PTH2R: variants seen among roughly 807,000 people sequenced by gnomAD.
PTH2R encodes the protein parathyroid hormone 2 receptor.
A neutral mutation model predicts 60.3 loss-of-function variants in PTH2R; 59 were observed. That is an observed-to-expected ratio of 0.98 (90% confidence interval 0.79 to 1.22). PTH2R has a LOEUF of 1.22. PTH2R is among the 50% of genes most tolerant of loss of function. The pLI, the probability that PTH2R is intolerant of heterozygous loss-of-function variation, is 0.00. For missense variants in PTH2R, 749 were observed against 682.6 expected, an observed-to-expected ratio of 1.10 and a Z score of -1.08; for synonymous variants, 256 against 243.8, an observed-to-expected ratio of 1.05 and a Z score of -0.47.
intron 1 of PTH2R, among the ~76,000 whole-genome samples, chr2:208,413,170 CAG>C (rs1553543205): frequency 1.7e-4 from 24 of 144,212 alleles, no homozygotes; most frequent in African/African-American, 5.7e-4. Context: ...CACACACACA[CAG>C]AATGTTTATA....
At position 208,388,144 on chromosome 2, in the gene PTH2R, G is replaced by T. The variant is rs1292173040; in HGVS notation, c.-259+27907G>T. Among the ~76,000 whole-genome samples the T allele has an allele frequency of 1.3e-4, 6 of 45,450 alleles. 1 individual carries two copies. The highest frequency in any genetic ancestry group is 2.3e-3 in the South Asian group (2 of 884). 29.8% of individuals were successfully genotyped at this position (45,450 alleles called of 152,430 possible). On this transcript the variant is annotated intron_variant, in intron 1 of 12. Coordinates refer to the PTH2R transcript ENST00000617735. The stretch of plus-strand genomic sequence containing the variant: ...CTAACATGGTGAAACCCCCCCCCCC[G>T]TCTCTACTAAAAATACAAAAAATTA...
At chr2:208,451,182 C>T (rs565663376) in intron 8 of PTH2R, among the ~76,000 whole-genome samples, 1 of 152,286 alleles carries the variant, frequency 6.6e-6, no homozygotes, top group African/African-American at 2.4e-5. Context: ...TACTCTCTCT[C>T]TCTCTCTCTG....
intron 1 of PTH2R, among the ~76,000 whole-genome samples, chr2:208,381,570 G>A (rs1021883461): frequency 6.6e-6 from 1 of 152,078 alleles, no homozygotes; most frequent in African/African-American, 2.4e-5. Context: ...TTATAGACCT[G>A]AGCCATGGTG....
At chr2:208,427,886 A>G (rs1419034524) in intron 1 of PTH2R, among the ~76,000 whole-genome samples, 1 of 150,820 alleles carries the variant, frequency 6.6e-6, no homozygotes, top group Non-Finnish European at 1.5e-5. Flanking sequence ...TAATTATTTT[A>G]TTTTAAATAT....
intron 9 of PTH2R, among the ~76,000 whole-genome samples, chr2:208,461,243 T>C (rs953260277): frequency 6.6e-6 from 1 of 152,120 alleles, no homozygotes; most frequent in Non-Finnish European, 1.5e-5. Flanking sequence ...TAAACACCTG[T>C]AATTTTAATT....
intron 2 of PTH2R, among the ~76,000 whole-genome samples, chr2:208,435,167 G>C (rs1432931475): frequency 6.6e-6 from 1 of 152,206 alleles, no homozygotes; most frequent in East Asian, 1.9e-4. Flanking sequence ...TATGCTGACT[G>C]TTCAAAACTA....
intron 1 of PTH2R, among the ~76,000 whole-genome samples, chr2:208,417,330 AAG>A (rs1367197894): frequency 6.6e-6 from 1 of 152,132 alleles, no homozygotes; most frequent in Non-Finnish European, 1.5e-5. Flanking sequence ...ATAAAGAAAG[AAG>A]AGAGAGAAAA....
chr2:208,398,317 T>A lies in PTH2R; in HGVS notation c.-258-29884T>A, dbSNP rs530837724. On this transcript the variant is annotated intron_variant, in intron 1 of 12. Coordinates refer to the PTH2R transcript ENST00000617735. ...ATTTATCACTCCTTGGCATTTTCTT[T>A]AAGGATCTGATGCCAGAATGGCCGT... 8.7e-4 allele frequency among the ~76,000 whole-genome samples: 132 copies of A among 152,354 alleles called. 2 individuals carry two copies. Among genetic ancestry groups the A allele is most frequent in the Non-Finnish European group, 9.3e-4 (63 of 68,038 alleles).
intron 12 of PTH2R, among the ~76,000 whole-genome samples, chr2:208,492,232 C>T (rs191360005): frequency 4.3e-4 from 66 of 152,294 alleles, no homozygotes; most frequent in African/African-American, 1.3e-3. Context: ...TTTAGGCTGC[C>T]GATGCAGATT....
chr2:208,447,256 G>A (rs1235993594), intron 7 of PTH2R, among the ~76,000 whole-genome samples: 1 of 152,024 alleles, frequency 6.6e-6, no homozygotes, highest in Non-Finnish European at 1.5e-5. Context: ...ACAGATGTGA[G>A]CGACCATGTG....
chr2:208,379,742 C>T (rs1442634230), intron 1 of PTH2R, among the ~76,000 whole-genome samples: 4 of 151,866 alleles, frequency 2.6e-5, no homozygotes, highest in Non-Finnish European at 1.5e-5. Flanking sequence ...CGCCTGTAAT[C>T]CCAGCTACTT....
chr2:208,444,353 T>C (rs955710046), intron 6 of PTH2R, among the ~76,000 whole-genome samples: 7 of 152,230 alleles, frequency 4.6e-5, no homozygotes, highest in African/African-American at 1.7e-4. Context: ...TTTGCAGCAA[T>C]AGCTGCATAA....
chr2:208,459,919 C>T lies in PTH2R; in HGVS notation c.939C>T (p.Asp313=), dbSNP rs749197503. 1.2e-6 allele frequency: 2 copies of T among 1,612,952 alleles called. No homozygotes were observed. Among genetic ancestry groups the T allele is most frequent in the South Asian group, 2.2e-5 (2 of 90,874 alleles). Residue 313 remains aspartate (D), a synonymous_variant, in exon 9 of 13, where the codon GAC becomes GAT. Coordinates refer to ENST00000272847, the MANE Select transcript of PTH2R (RefSeq NM_005048.4). ...DARCWELSAG[D]IKWIYQAPIL... is the part of the protein sequence containing the mutation. ...GGTGCTGGGAACTTAGTGCTGGAGA[C>T]ATCAAGTGGATTTATCAAGCACCGA...
chr2:208,450,414 A>G (rs1317518398), intron 7 of PTH2R, among the ~76,000 whole-genome samples: 1 of 152,210 alleles, frequency 6.6e-6, no homozygotes, highest in Non-Finnish European at 1.5e-5. Flanking sequence ...GGTCAGCGTG[A>G]CAAGAGTCAA....
At chr2:208,447,449 G>A (rs143105562) in intron 7 of PTH2R, among the ~76,000 whole-genome samples, 4,236 of 151,846 alleles carry the variant, frequency 0.028, 186 homozygotes, top group African/African-American at 0.096. Flanking sequence ...TTAGCCAGAC[G>A]TGCTGGCAGG....
intron 8 of PTH2R, among the ~76,000 whole-genome samples, chr2:208,452,361 C>G (rs1702423008): frequency 3.3e-5 from 5 of 152,112 alleles, no homozygotes. Context: ...TACTTGTTAG[C>G]AAGTATTATT....
At chr2:208,452,917 T>C (rs917714365) in intron 8 of PTH2R, among the ~76,000 whole-genome samples, 4 of 152,194 alleles carry the variant, frequency 2.6e-5, no homozygotes, top group Non-Finnish European at 5.9e-5. Context: ...CAGAAAACAC[T>C]TACAGGCGGA....
chr2:208,402,868 C>T (rs993007290), upstream of PTH2R, among the ~76,000 whole-genome samples: 4 of 152,068 alleles, frequency 2.6e-5, no homozygotes, highest in Non-Finnish European at 4.4e-5. Flanking sequence ...AATGCTAAAG[C>T]GCATTCTATA....
intron 10 of PTH2R, among the ~76,000 whole-genome samples, chr2:208,481,957 G>A (rs770639907): frequency 6.6e-6 from 1 of 152,150 alleles, no homozygotes; most frequent in African/African-American, 2.4e-5. Flanking sequence ...CTATCTTAAG[G>A]TTGTGTGCAT....
Sources: gnomAD v4.1 joint callset for allele counts (sites outside exome capture counted in the v4.1 genomes callset) on GRCh38, gnomAD v4.1.1 for gene constraint, MANE v1.5 for transcripts, NCBI Gene and HGNC (gene_info 2026-07-23, HGNC 2026-07-21) for gene names.